The following PARD3B variants were observed in gnomAD, a reference collection of about 807,000 sequenced individuals.
The protein encoded by PARD3B is par-3 family cell polarity regulator beta.
A neutral mutation model predicts 130.2 loss-of-function variants in PARD3B; 103 were observed. The ratio of observed to expected loss-of-function variants is 0.79; its 90% CI spans 0.67 to 0.93. The LOEUF (loss-of-function observed/expected upper bound fraction) is 0.93. Ranked by LOEUF, PARD3B falls within the 40% of genes least tolerant of loss-of-function variation. PARD3B has a pLI of 0.00. For synonymous variants in PARD3B, 583 were observed against 553.2 expected (o/e 1.05, Z -0.76); for missense variants, 1,609 against 1,499.2 (o/e 1.07, Z -1.21).
At chr2:204,842,916 G>C (rs1390626365) in intron 2 of PARD3B, among the ~76,000 whole-genome samples, 1 of 152,048 alleles carries the variant, frequency 6.6e-6, no homozygotes, top group Non-Finnish European at 1.5e-5. Context: ...GGAGAAAGTA[G>C]GTCATTTTGC....
intron 1 of PARD3B, among the ~76,000 whole-genome samples, chr2:204,577,434 G>A (rs545749607): frequency 3.6e-4 from 55 of 152,296 alleles, no homozygotes; most frequent in Non-Finnish European, 6.8e-4. Context: ...GGCAGAGCCC[G>A]GTTCCAAGCC....
rs936148016 is a variant in PARD3B at position 204,838,021 on chromosome 2, T to C, written c.223-127131T>C. On this transcript the variant is annotated intron_variant, in intron 2 of 22. Transcript: ENST00000406610. ...TGATAACATCAAGGAGCTCACAGTATAATGGGGGGAGAGACAGATACATAC... is the reference window on the plus strand; with the variant it reads ...TGATAACATCAAGGAGCTCACAGTACAATGGGGGGAGAGACAGATACATAC... Among the ~76,000 whole-genome samples the C allele has an allele frequency of 2.9e-5, 4 of 139,588 alleles. No individual in the cohort carries two copies. In the South Asian group the frequency reaches 6.3e-4, roughly 22 times the overall value. The allele number at this position is 139,588 out of a possible 152,430, so 91.6% of individuals were successfully genotyped here.
At chr2:204,547,142 G>T (rs1265027781) in intron 1 of PARD3B, among the ~76,000 whole-genome samples, 1 of 152,128 alleles carries the variant, frequency 6.6e-6, no homozygotes, top group Admixed American at 6.5e-5. Context: ...ATGGAAAAAC[G>T]TAAGTTTTAA....
chr2:204,647,821 C>T (rs1007652759), intron 1 of PARD3B, among the ~76,000 whole-genome samples: 1 of 151,524 alleles, frequency 6.6e-6, no homozygotes, highest in African/African-American at 2.4e-5. Flanking sequence ...TTAAAAAGTA[C>T]AAATAATGTA....
chr2:205,378,521 G>A (rs993203946), intron 18 of PARD3B, among the ~76,000 whole-genome samples: 10 of 152,262 alleles, frequency 6.6e-5, no homozygotes, highest in African/African-American at 1.7e-4. Flanking sequence ...TGAGAGCTGC[G>A]TACTGAGGTA....
rs551094714 is a variant in PARD3B at position 205,116,098 on chromosome 2, G to T, written c.680+2521G>T. ...CGCAGAGGGGTGCTGAATGCTGCTT[G>T]TATTGAGGGCCATTGGCTTTCCCAG... On this transcript the variant is annotated intron_variant, in intron 6 of 22. Transcript: ENST00000406610. The surrounding 1 kb of genome is among the most constrained non-coding windows in gnomAD (Gnocchi z 4.5). 2.0e-5 allele frequency among the ~76,000 whole-genome samples: 3 copies of T among 151,988 alleles called. No individual in the cohort carries two copies. Among genetic ancestry groups the T allele is most frequent in the South Asian group, 4.1e-4 (2 of 4,826 alleles).
rs544722984 is a variant in PARD3B, at chr2:204,657,940, A to T, written c.121-28241A>T. On this transcript the variant is annotated intron_variant, in intron 1 of 22. Coordinates refer to ENST00000406610, the MANE Select transcript of PARD3B (RefSeq NM_001302769.2). ...TACACATTTGATCTTCATATATTCT[A>T]TAGTTTATGGGTGTTCAAGTATTTA... Among the ~76,000 whole-genome samples the T allele has an allele frequency of 2.0e-3, 312 of 152,250 alleles. 1 individual carries two copies. Among genetic ancestry groups the T allele is most frequent in the African/African-American group, 7.1e-3 (297 of 41,562 alleles).
intron 2 of PARD3B, among the ~76,000 whole-genome samples, chr2:204,739,795 A>T (rs565423252): frequency 6.6e-6 from 1 of 152,176 alleles, no homozygotes; most frequent in East Asian, 1.9e-4. Flanking sequence ...ATGTAAGATA[A>T]ACAGTTATTT....
chr2:204,822,014 G>T (rs1337437191), intron 2 of PARD3B, among the ~76,000 whole-genome samples: 1 of 152,150 alleles, frequency 6.6e-6, no homozygotes, highest in East Asian at 1.9e-4. Flanking sequence ...ATTTCATAAG[G>T]CCAAAGCTGC....
At chr2:204,846,824 C>G (rs1329040620) in intron 2 of PARD3B, among the ~76,000 whole-genome samples, 1 of 151,858 alleles carries the variant, frequency 6.6e-6, no homozygotes, top group East Asian at 1.9e-4. Context: ...CCAGGAGATT[C>G]CGACTGCCTG....
chr2:205,044,089 G>T (rs1292539155), intron 3 of PARD3B, among the ~76,000 whole-genome samples: 4 of 151,956 alleles, frequency 2.6e-5, no homozygotes, highest in African/African-American at 9.7e-5. Flanking sequence ...AGTTTACTGA[G>T]AATGATGATT....
chr2:205,376,831 G>A (rs954227775), intron 18 of PARD3B, among the ~76,000 whole-genome samples: 9 of 152,182 alleles, frequency 5.9e-5, no homozygotes, highest in African/African-American at 2.2e-4. Flanking sequence ...GGGAACAGCT[G>A]TAAATTGATG....
chr2:204,930,532 C>T (rs1687953730), intron 2 of PARD3B, among the ~76,000 whole-genome samples: 1 of 151,958 alleles, frequency 6.6e-6, no homozygotes, highest in African/African-American at 2.4e-5. Context: ...ATATTTTGTA[C>T]TCACTAACAC....
intron 18 of PARD3B, among the ~76,000 whole-genome samples, chr2:205,316,070 G>A (rs1281871293): frequency 6.6e-6 from 1 of 152,006 alleles, no homozygotes; most frequent in African/African-American, 2.4e-5. Flanking sequence ...TGACTGACTG[G>A]TTTATATGGT....
At position 205,331,579 on chromosome 2, in the gene PARD3B, C is replaced by T. The variant is rs183519568; in HGVS notation, c.2630+29878C>T. On this transcript the variant is annotated intron_variant, in intron 18 of 22. Transcript: ENST00000406610. Reference sequence around the variant, plus strand: ...GGTGGATCACCTGAGGTCAGGAGTTCGAGACCAGGCTGGCCAACATGACAA... The same window carrying T: ...GGTGGATCACCTGAGGTCAGGAGTTTGAGACCAGGCTGGCCAACATGACAA... Among the ~76,000 whole-genome samples, 722 of 151,700 alleles carry T rather than the reference C, an allele frequency of 4.8e-3. 2 individuals are homozygous for T. The highest frequency in any genetic ancestry group is 0.011 in the Admixed American group (174 of 15,222).
chr2:205,346,345 A>G (rs1176311472), intron 18 of PARD3B, among the ~76,000 whole-genome samples: 1 of 151,972 alleles, frequency 6.6e-6, no homozygotes, highest in East Asian at 1.9e-4. Flanking sequence ...CCAGCTTGTC[A>G]TAGTCTCTAC....
At chr2:205,163,757 C>T (rs2034643228) in intron 11 of PARD3B, among the ~76,000 whole-genome samples, 1 of 152,178 alleles carries the variant, frequency 6.6e-6, no homozygotes, top group African/African-American at 2.4e-5. Flanking sequence ...ACCCCCATCT[C>T]TGCCGGTATC....
In PARD3B at chr2:205,449,637, G is replaced by T. The variant is rs575437523; in HGVS notation, c.3044+8965G>T. On this transcript the variant is annotated intron_variant, in intron 20 of 22. Transcript: ENST00000406610. ...CTGATGTAATACCAGGCACTTAGAGGCACTTAGTATTTGCTTACTAAATAC... is the reference window on the plus strand; with the variant it reads ...CTGATGTAATACCAGGCACTTAGAGTCACTTAGTATTTGCTTACTAAATAC... Among the ~76,000 whole-genome samples, 4 of 152,244 alleles carry T rather than the reference G, an allele frequency of 2.6e-5. No homozygotes were observed. In the East Asian group the frequency reaches 7.7e-4, roughly 29 times the overall value.
At chr2:205,395,431 T>C (rs1559051460) in intron 18 of PARD3B, among the ~76,000 whole-genome samples, 1 of 152,150 alleles carries the variant, frequency 6.6e-6, no homozygotes, top group Non-Finnish European at 1.5e-5. Flanking sequence ...CACATTCTCT[T>C]GACTTTCTTT....
Sources: gnomAD v4.1 joint callset for allele counts (sites outside exome capture counted in the v4.1 genomes callset) on GRCh38, gnomAD v4.1.1 for gene constraint, Gnocchi (gnomAD v3.1) non-coding constraint, MANE v1.5 for transcripts, NCBI Gene and HGNC (gene_info 2026-07-23, HGNC 2026-07-21) for gene names.